The following CSMD1 variants were observed in gnomAD, a reference collection of about 807,000 sequenced individuals.
CSMD1 encodes CUB and sushi domain-containing protein 1.
Under a neutral mutation model 417.5 loss-of-function variants are expected in CSMD1, and 213 were observed. That is an observed-to-expected ratio of 0.51 (90% confidence interval 0.46 to 0.57). CSMD1 has a LOEUF of 0.57. CSMD1 is among the 20% of genes least tolerant of loss of function. CSMD1 has a pLI of 0.00. For missense variants in CSMD1, 6,923 were observed against 4,529.7 expected (o/e 1.53, Z -15.17); for synonymous variants, 2,862 against 1,736.8 (o/e 1.65, Z -16.11).
intron 1 of CSMD1, among the ~76,000 whole-genome samples, chr8:4,971,768 C>A (rs1029407002): frequency 1.1e-4 from 17 of 151,600 alleles, no homozygotes. Context: ...CCTAATTCCT[C>A]TAAAATTAAT....
At chr8:4,297,427 A>G (rs1797747437) in intron 3 of CSMD1, among the ~76,000 whole-genome samples, 1 of 152,200 alleles carries the variant, frequency 6.6e-6, no homozygotes, top group Admixed American at 6.5e-5. Flanking sequence ...GTTAAACGGT[A>G]TTAAGGAAAA....
intron 5 of CSMD1, among the ~76,000 whole-genome samples, chr8:3,987,405 C>T (rs746821680): frequency 1.3e-5 from 2 of 152,154 alleles, no homozygotes; most frequent in Non-Finnish European, 2.9e-5. Flanking sequence ...CTAATGGATA[C>T]AGGGGTTGTC....
chr8:4,165,817 C>A (rs113911780), intron 3 of CSMD1, among the ~76,000 whole-genome samples: 1 of 152,222 alleles, frequency 6.6e-6, no homozygotes, highest in Admixed American at 6.5e-5. Context: ...GTCACTCTTA[C>A]TAGGTTGTTG....
At chr8:4,655,913 A>G (rs1163988986) in intron 1 of CSMD1, among the ~76,000 whole-genome samples, 1 of 152,130 alleles carries the variant, frequency 6.6e-6, no homozygotes, top group Non-Finnish European at 1.5e-5. Context: ...AACTGTGTGG[A>G]CACTGTGTTA....
At chr8:3,905,560 G>A (rs930200023) in intron 5 of CSMD1, among the ~76,000 whole-genome samples, 11 of 152,278 alleles carry the variant, frequency 7.2e-5, no homozygotes, top group African/African-American at 2.2e-4. Flanking sequence ...CACTGGGAGG[G>A]CTTGTGCAAA....
intron 1 of CSMD1, among the ~76,000 whole-genome samples, chr8:4,867,279 T>C (rs1405082612): frequency 2.6e-5 from 4 of 152,072 alleles, no homozygotes; most frequent in Non-Finnish European, 4.4e-5. Flanking sequence ...TCCCTACTCA[T>C]CAATGTGCTT....
chr8:4,627,196 G>A (rs1247157541), intron 2 of CSMD1, among the ~76,000 whole-genome samples: 1 of 152,104 alleles, frequency 6.6e-6, no homozygotes, highest in African/African-American at 2.4e-5. Flanking sequence ...ACTCTTAGAG[G>A]TTGAAAGGAT....
Position 2,969,802 on chromosome 8 carries a change from T to G in CSMD1, c.8924-3056A>C, listed in dbSNP as rs1371337238. Reference sequence around the variant, plus strand: ...ATTCTCCAAAATGTATTTCAAATTTTTGCTGGTGTGTGTGTGTTCAGTCAC... The same window carrying G: ...ATTCTCCAAAATGTATTTCAAATTTGTGCTGGTGTGTGTGTGTTCAGTCAC... On this transcript the variant is annotated intron_variant, in intron 57 of 69. Coordinates refer to ENST00000635120, the MANE Select transcript of CSMD1 (RefSeq NM_033225.6). Among the ~76,000 whole-genome samples, 3 of 152,208 alleles carry G rather than the reference T, an allele frequency of 2.0e-5. No individual in the cohort carries two copies. The East Asian group carries it at 5.8e-4, about 29-fold the overall frequency.
At chr8:4,455,700 G>A (rs1486947163) in intron 2 of CSMD1, among the ~76,000 whole-genome samples, 1 of 151,732 alleles carries the variant, frequency 6.6e-6, no homozygotes, top group African/African-American at 2.4e-5. Flanking sequence ...GGAGGCCGAA[G>A]CGGGTCGATC....
At chr8:4,446,281 C>T (rs1469958694) in intron 2 of CSMD1, among the ~76,000 whole-genome samples, 1 of 152,188 alleles carries the variant, frequency 6.6e-6, no homozygotes, top group Admixed American at 6.5e-5. Context: ...GGAGTGGTGG[C>T]TCATGCCCGT....
In CSMD1 at chr8:3,846,660, A is replaced by T. The variant is rs143037918; in HGVS notation, c.819-92618T>A. On this transcript the variant is annotated intron_variant, in intron 5 of 69. Coordinates refer to ENST00000635120, the MANE Select transcript of CSMD1 (RefSeq NM_033225.6). ...TTTCTTTAGCCTAAGGATTTATTTA[A>T]TTATTTATTTAGTTTGAGATGGAGT... 3.6e-3 allele frequency among the ~76,000 whole-genome samples: 551 copies of T among 152,190 alleles called. 2 individuals carry two copies. The highest frequency in any genetic ancestry group is 0.012 in the African/African-American group (516 of 41,506).
At chr8:3,371,580 A>G (rs1809949787) in intron 18 of CSMD1, among the ~76,000 whole-genome samples, 1 of 152,118 alleles carries the variant, frequency 6.6e-6, no homozygotes, top group Admixed American at 6.6e-5. Context: ...GATACTCAGA[A>G]TAACTTCTTC....
intron 3 of CSMD1, among the ~76,000 whole-genome samples, chr8:4,409,529 T>C (rs963925363): frequency 2.6e-5 from 4 of 152,178 alleles, no homozygotes; most frequent in African/African-American, 9.6e-5. Flanking sequence ...AATATGTAAC[T>C]AGGCAGCTCA....
chr8:4,523,011 T>C (rs1803555913), intron 2 of CSMD1, among the ~76,000 whole-genome samples: 2 of 152,138 alleles, frequency 1.3e-5, no homozygotes, highest in Admixed American at 6.6e-5. Flanking sequence ...GGAGTAGGGC[T>C]TGTGTTAATG....
At chr8:3,703,995 C>T (rs753354044) in intron 7 of CSMD1, among the ~76,000 whole-genome samples, 47 of 152,194 alleles carry the variant, frequency 3.1e-4, no homozygotes, top group Non-Finnish European at 5.6e-4. Flanking sequence ...CACATGAACC[C>T]GGGAGGTAGA....
chr8:4,002,951 G>A (rs895568528), intron 4 of CSMD1, among the ~76,000 whole-genome samples: 32 of 151,898 alleles, frequency 2.1e-4, no homozygotes, highest in African/African-American at 4.6e-4. Flanking sequence ...TGAATGTTAC[G>A]GAAGCAAAAA....
intron 5 of CSMD1, among the ~76,000 whole-genome samples, chr8:3,917,123 A>T (rs886606210): frequency 6.6e-6 from 1 of 152,190 alleles, no homozygotes; most frequent in African/African-American, 2.4e-5. Context: ...CATAAAAGAT[A>T]GTCTAAGAGA....
At chr8:3,542,420 C>G (rs77367120) in intron 10 of CSMD1, among the ~76,000 whole-genome samples, 6,005 of 152,214 alleles carry the variant, frequency 0.039, 346 homozygotes, top group African/African-American at 0.12. Context: ...AGATACCGTT[C>G]TACGATTGGA....
At chr8:4,262,789 T>G (rs1368849218) in intron 3 of CSMD1, among the ~76,000 whole-genome samples, 2 of 152,218 alleles carry the variant, frequency 1.3e-5, no homozygotes, top group African/African-American at 2.4e-5. Flanking sequence ...GAAGGAAGTA[T>G]GTTCCACCAG....
Sources: gnomAD v4.1 joint callset for allele counts (sites outside exome capture counted in the v4.1 genomes callset) on GRCh38, gnomAD v4.1.1 for gene constraint, MANE v1.5 for transcripts, NCBI Gene and HGNC (gene_info 2026-07-23, HGNC 2026-07-21) for gene names.